DNAJC10: variants seen among roughly 807,000 people sequenced by gnomAD.
DNAJC10 encodes DnaJ heat shock protein family (Hsp40) member C10, also known as endoplasmic reticulum disulfide reductase DNAJC10.
Under a neutral mutation model 115.0 loss-of-function variants are expected in DNAJC10, and 101 were observed. The observed-to-expected ratio is 0.88, with a 90% CI of 0.75 to 1.04. The LOEUF (loss-of-function observed/expected upper bound fraction) is 1.04, where lower values mean the gene tolerates loss of function less well. DNAJC10 is among the 50% of genes least tolerant of loss of function. The pLI, the probability that DNAJC10 is intolerant of heterozygous loss-of-function variation, is 0.00. For synonymous variants in DNAJC10, 307 were observed against 301.5 expected, an observed-to-expected ratio of 1.02 and a Z score of -0.19; for missense variants, 981 against 928.8, an observed-to-expected ratio of 1.06 and a Z score of -0.73.
At chr2:182,718,344 ATATT>A in intron 3 of DNAJC10, 54 bp downstream of exon 3, 9 of 1,392,544 alleles carry the variant, frequency 6.5e-6, no homozygotes, top group Non-Finnish European at 8.7e-6. Context: ...GTACATTTTG[ATATT>A]TATTTAAATT....
intron 14 of DNAJC10, among the ~76,000 whole-genome samples, chr2:182,750,641 C>A (rs947023074): frequency 6.6e-6 from 1 of 152,182 alleles, no homozygotes; most frequent in East Asian, 1.9e-4. Flanking sequence ...CACTACACAT[C>A]TAGGCTATAC....
intron 22 of DNAJC10, among the ~76,000 whole-genome samples, chr2:182,763,711 G>A (rs1462136727): frequency 2.0e-5 from 3 of 152,052 alleles, no homozygotes; most frequent in African/African-American, 4.8e-5. Context: ...CAAATGCCAC[G>A]TACATAAGGT....
At chr2:182,751,130 C>CTTTTTTTTTTT (rs773393648) in intron 14 of DNAJC10, among the ~76,000 whole-genome samples, 3 of 85,178 alleles carry the variant, frequency 3.5e-5, no homozygotes, top group Non-Finnish European at 6.2e-5. Context: ...GAGATTTTGA[C>CTTTTTTTTTTT]TTTTTTTTTT....
chr2:182,720,053 A>G lies in DNAJC10; in HGVS notation c.251A>G (p.Tyr84Cys). 6.3e-7 allele frequency: 1 copy of G among 1,597,684 alleles called. No individual in the cohort carries two copies. The highest frequency in any genetic ancestry group is 8.6e-7 in the Non-Finnish European group (1 of 1,165,602). ...HGDFLKINRA[Y>C]EVLKDEDLRK... ...GATTTTTTAAAAATAAATAGAGCAT[A>G]TGAAGTACTCAAAGATGAAGATCTA... Residue 84 changes from tyrosine (Y) to cysteine (C), a missense_variant, in exon 4 of 24, where the codon TAT (tyrosine) becomes TGT (cysteine). Tyr to Cys is a radical substitution (Grantham distance 194). Transcript: ENST00000264065.
intron 5 of DNAJC10, among the ~76,000 whole-genome samples, chr2:182,722,757 A>G (rs372310050): frequency 9.2e-5 from 14 of 152,198 alleles, no homozygotes; most frequent in Middle Eastern, 3.4e-3. Context: ...CCTGGCCAAC[A>G]TGGGGAAAAC....
At position 182,757,952 on chromosome 2, in the gene DNAJC10, T is replaced by C. The variant is rs190630123; in HGVS notation, c.1943+127T>C. ...TTATTGGGAGCCCACTACGTAAAGATAGTTTGTTAATGAACATTTCAGAAG... is the reference window on the plus strand; with the variant it reads ...TTATTGGGAGCCCACTACGTAAAGACAGTTTGTTAATGAACATTTCAGAAG... On this transcript the variant is annotated intron_variant, in intron 19 of 23. Transcript: ENST00000264065. The C allele has an allele frequency of 6.0e-5, 34 of 568,570 alleles. No homozygotes were observed. In the East Asian group the frequency reaches 8.3e-4, roughly 14 times the overall value. 35.2% of individuals were successfully genotyped at this position (568,570 alleles called of 1,614,324 possible). A position where few individuals can be genotyped will look rare whatever the true frequency, so the allele number is the denominator to read the frequency against.
In DNAJC10 at chr2:182,794,023, T is replaced by C. The variant is rs1360323368; in HGVS notation, c.*16891T>C. ...ACAAGTAGCAGGCAGATGATAAATA[T>C]ATTTTTAGGTGGTTAGGTGATGAAA... On this transcript the variant is annotated 3_prime_UTR_variant, in exon 24 of 24. Transcript: ENST00000264065. 2 of 152,138 alleles carry C rather than the reference T, an allele frequency of 1.3e-5. No individual in the cohort carries two copies. Among genetic ancestry groups the C allele is most frequent in the Non-Finnish European group, 1.5e-5 (1 of 68,028 alleles). The allele number at this position is 152,138 out of a possible 1,614,324, so 9.4% of individuals were successfully genotyped here.
At chr2:182,729,402 G>T (rs187035500) in intron 7 of DNAJC10, among the ~76,000 whole-genome samples, 1 of 152,126 alleles carries the variant, frequency 6.6e-6, no homozygotes, top group Non-Finnish European at 1.5e-5. Flanking sequence ...GCCCACCTCA[G>T]CCTCCCACAG....
intron 18 of DNAJC10, among the ~76,000 whole-genome samples, chr2:182,756,839 A>C (rs1237947483): frequency 6.6e-6 from 1 of 152,090 alleles, no homozygotes; most frequent in African/African-American, 2.4e-5. Flanking sequence ...GGGTTTTGCC[A>C]TGTTGGCCAG....
chr2:182,733,206 C>T (rs1693496064), intron 10 of DNAJC10, among the ~76,000 whole-genome samples: 2 of 151,934 alleles, frequency 1.3e-5, no homozygotes, highest in African/African-American at 4.8e-5. Context: ...TCTTCCTTTA[C>T]ATATTTTGAC....
intron 23 of DNAJC10, among the ~76,000 whole-genome samples, chr2:182,776,402 G>C (rs992095891): frequency 6.6e-6 from 1 of 152,114 alleles, no homozygotes; most frequent in South Asian, 2.1e-4. Flanking sequence ...TTTTCAAATC[G>C]GTGTTACTGT....
At position 182,777,235 on chromosome 2, in the gene DNAJC10, A is replaced by T; in HGVS notation, c.*103A>T. 1 of 717,412 alleles carries T rather than the reference A, an allele frequency of 1.4e-6. No individual in the cohort carries two copies. The highest frequency in any genetic ancestry group is 2.1e-6 in the Non-Finnish European group (1 of 476,220). 44.4% of individuals were successfully genotyped at this position (717,412 alleles called of 1,614,324 possible). A position where few individuals can be genotyped will look rare whatever the true frequency, so the allele number is the denominator to read the frequency against. Reference sequence around the variant, plus strand: ...TTTATGATGGGAATGAATGAACATTATCTTAGACTTGCAGTTGTACTGCCA... The same window carrying T: ...TTTATGATGGGAATGAATGAACATTTTCTTAGACTTGCAGTTGTACTGCCA... On this transcript the variant is annotated 3_prime_UTR_variant, in exon 24 of 24. Coordinates refer to ENST00000264065, the MANE Select transcript of DNAJC10 (RefSeq NM_018981.4).
chr2:182,720,271 T>C (rs1574914882), intron 4 of DNAJC10, 102 bp downstream of exon 4: 1 of 937,898 alleles, frequency 1.1e-6, no homozygotes, highest in Admixed American at 2.4e-5. Flanking sequence ...TGCGTCACTT[T>C]GATTAGCTCC....
chr2:182,752,227 T>G (rs1482673504), intron 16 of DNAJC10, 39 bp downstream of exon 16: 3 of 1,112,876 alleles, frequency 2.7e-6, no homozygotes, highest in Non-Finnish European at 3.8e-6. Context: ...ATTAATTTTA[T>G]AAAATGAAGA....
intron 15 of DNAJC10, 94 bp from the exon 16 acceptor site, chr2:182,751,978 T>A: frequency 8.2e-7 from 1 of 1,221,556 alleles, no homozygotes; most frequent in East Asian, 2.3e-5. Context: ...CTAAGTACAG[T>A]TTGTCTTACT....
chr2:182,747,716 T>A (rs1466989412), intron 14 of DNAJC10, among the ~76,000 whole-genome samples: 1 of 149,124 alleles, frequency 6.7e-6, no homozygotes, highest in Admixed American at 6.7e-5. Context: ...TTGAATACCC[T>A]TTATTTCCTT....
At chr2:182,760,525 T>A (rs1300828254) in intron 21 of DNAJC10, among the ~76,000 whole-genome samples, 1 of 152,206 alleles carries the variant, frequency 6.6e-6, no homozygotes, top group African/African-American at 2.4e-5. Context: ...TTTTATTTAT[T>A]TTTATATCCT....
intron 16 of DNAJC10, among the ~76,000 whole-genome samples, chr2:182,752,790 G>A (rs1694056936): frequency 6.6e-6 from 1 of 151,892 alleles, no homozygotes; most frequent in African/African-American, 2.4e-5. Flanking sequence ...AATGACAGGG[G>A]AGCATGTTAA....
In DNAJC10 at chr2:182,755,078, G is replaced by C. The variant is rs764861125; in HGVS notation, c.1627G>C (p.Ala543Pro). ...NIHEYEGHHS[A>P]EQILEFIEDL... ...TCATGAGTATGAAGGACATCACTCTGCTGAACAAATCTTGGAGTTCATAGA... is the reference window on the plus strand; with the variant it reads ...TCATGAGTATGAAGGACATCACTCTCCTGAACAAATCTTGGAGTTCATAGA... The change falls in exon 17 of 24, where the codon GCT (alanine) becomes CCT (proline). Residue 543 changes from alanine (A) to proline (P), a missense_variant. By Grantham distance (27) the Ala-to-Pro change is conservative. Transcript: ENST00000264065. The C allele has an allele frequency of 1.2e-6, 2 of 1,606,840 alleles. No homozygotes were observed. Among genetic ancestry groups the C allele is most frequent in the Non-Finnish European group, 1.7e-6 (2 of 1,173,644 alleles).
Sources: allele counts gnomAD v4.1 joint callset (sites outside exome capture counted in the v4.1 genomes callset), GRCh38; gene constraint gnomAD v4.1.1; transcripts MANE v1.5; gene names NCBI Gene and HGNC (gene_info 2026-07-23, HGNC 2026-07-21).